Variants in PPP3CA observed in about 807,000 individuals in gnomAD.
PPP3CA encodes CAM-PRP catalytic subunit.
A neutral mutation model predicts 66.5 loss-of-function variants in PPP3CA; 14 were observed. The ratio of observed to expected loss-of-function variants is 0.21; its 90% CI spans 0.14 to 0.33. The LOEUF (loss-of-function observed/expected upper bound fraction) is 0.33, where lower values mean the gene tolerates loss of function less well. Among genes scored for constraint, PPP3CA ranks in the 10% least tolerant of loss-of-function variants. The probability of loss-of-function intolerance (pLI) is 1.00; values close to 1 mark genes in which losing one functional copy is unlikely to be tolerated. For missense variants in PPP3CA, 317 were observed against 639.5 expected, an observed-to-expected ratio of 0.50 and a Z score of 5.44; for synonymous variants, 232 against 226.2, an observed-to-expected ratio of 1.03 and a Z score of -0.23.
rs568199380 is a variant in PPP3CA, at chr4:101,024,653, T to G, written c.*1212A>C. The G allele has an allele frequency of 6.5e-6, 1 of 152,694 alleles. No individual in the cohort carries two copies. The highest frequency in any genetic ancestry group is 2.1e-4 in the South Asian group (1 of 4,826). 9.5% of individuals were successfully genotyped at this position (152,694 alleles called of 1,614,324 possible). A position where few individuals can be genotyped will look rare whatever the true frequency, so the allele number is the denominator to read the frequency against. On this transcript the variant is annotated 3_prime_UTR_variant, in exon 14 of 14. Transcript: ENST00000394854. Reference sequence around the variant, plus strand: ...ATTAACAGTTGCCATGCATTTAGAGTTTCACATGTAACTACAAACTTATTA... The same window carrying G: ...ATTAACAGTTGCCATGCATTTAGAGGTTCACATGTAACTACAAACTTATTA...
chr4:101,162,833 T>C (rs986986032), intron 2 of PPP3CA, among the ~76,000 whole-genome samples: 1 of 152,126 alleles, frequency 6.6e-6, no homozygotes, highest in South Asian at 2.1e-4. Flanking sequence ...ATTTAGAAAA[T>C]GGCCATGCCT....
chr4:101,050,792 G>A (rs558130718), intron 10 of PPP3CA, among the ~76,000 whole-genome samples: 9 of 152,274 alleles, frequency 5.9e-5, no homozygotes, highest in East Asian at 1.9e-4. Context: ...GCTAATGCAC[G>A]TAAAACAGAA....
At chr4:101,202,447 A>T (rs1724996876) in intron 1 of PPP3CA, among the ~76,000 whole-genome samples, 1 of 151,990 alleles carries the variant, frequency 6.6e-6, no homozygotes, top group South Asian at 2.1e-4. Context: ...CTCCTAGATT[A>T]AAAAAAAGTA....
intron 1 of PPP3CA, among the ~76,000 whole-genome samples, chr4:101,198,975 A>G (rs1318851177): frequency 6.6e-6 from 1 of 152,186 alleles, no homozygotes; most frequent in Admixed American, 6.5e-5. Context: ...GGGGCCCTTT[A>G]CCAGTTAAAC....
intron 2 of PPP3CA, among the ~76,000 whole-genome samples, chr4:101,142,553 C>T (rs746664654): frequency 1.3e-5 from 2 of 152,100 alleles, no homozygotes; most frequent in East Asian, 1.9e-4. Context: ...ACCCTCACAA[C>T]CTACTCCACC....
chr4:101,254,084 C>T (rs1294304624), intron 1 of PPP3CA, among the ~76,000 whole-genome samples: 1 of 151,980 alleles, frequency 6.6e-6, no homozygotes, highest in East Asian at 1.9e-4. Flanking sequence ...TCCTTCAAGA[C>T]ATATATCCAA....
intron 1 of PPP3CA, among the ~76,000 whole-genome samples, chr4:101,290,321 C>A (rs759838676): frequency 6.6e-6 from 1 of 152,160 alleles, no homozygotes; most frequent in Non-Finnish European, 1.5e-5. Context: ...TCACCCATTC[C>A]GCTCCTGTTA....
chr4:101,306,040 T>C (rs142460145), intron 1 of PPP3CA, among the ~76,000 whole-genome samples: 96 of 152,110 alleles, frequency 6.3e-4, no homozygotes, highest in Non-Finnish European at 1.2e-3. Flanking sequence ...CCTCCTAAAA[T>C]GGAGAATGTA....
At chr4:101,161,577 T>G (rs899200171) in intron 2 of PPP3CA, among the ~76,000 whole-genome samples, 3 of 152,138 alleles carry the variant, frequency 2.0e-5, no homozygotes, top group African/African-American at 7.2e-5. Flanking sequence ...CTGGCAGTCC[T>G]AAGAATCATT....
At chr4:101,287,940 A>G (rs111271879) in intron 1 of PPP3CA, among the ~76,000 whole-genome samples, 3 of 151,328 alleles carry the variant, frequency 2.0e-5, no homozygotes, top group African/African-American at 4.9e-5. Context: ...CTGCTGCATC[A>G]TACCATTTTT....
At chr4:101,056,461 C>G (rs893758704) in intron 10 of PPP3CA, among the ~76,000 whole-genome samples, 1 of 152,056 alleles carries the variant, frequency 6.6e-6, no homozygotes, top group Non-Finnish European at 1.5e-5. Context: ...AGGCGCATCT[C>G]TAAATTGCTA....
chr4:101,083,587 C>T (rs1399864025), intron 6 of PPP3CA, among the ~76,000 whole-genome samples: 1 of 152,104 alleles, frequency 6.6e-6, no homozygotes, highest in Non-Finnish European at 1.5e-5. Context: ...GTGAACGGAG[C>T]ATAACTATAA....
chr4:101,183,069 G>A (rs1025054048), intron 2 of PPP3CA, among the ~76,000 whole-genome samples: 23 of 152,078 alleles, frequency 1.5e-4, no homozygotes, highest in African/African-American at 5.1e-4. Context: ...TTAGAATGCA[G>A]GTGAAAAAAT....
chr4:101,111,694 T>C (rs1464362381), intron 2 of PPP3CA, among the ~76,000 whole-genome samples: 1 of 152,160 alleles, frequency 6.6e-6, no homozygotes, highest in Non-Finnish European at 1.5e-5. Flanking sequence ...TTGGACAATT[T>C]ACTCAACTTC....
In PPP3CA at chr4:101,234,534, T is replaced by C. The variant is rs557233837; in HGVS notation, c.59-38418A>G. On this transcript the variant is annotated intron_variant, in intron 1 of 13. Transcript: ENST00000394854. ...GCTTGTTGGCTACATGTATGTCTTCTTTAGAAAAGTGTCTGTTCATGTCCT... is the reference window on the plus strand; with the variant it reads ...GCTTGTTGGCTACATGTATGTCTTCCTTAGAAAAGTGTCTGTTCATGTCCT... Among the ~76,000 whole-genome samples, 5 of 152,006 alleles carry C rather than the reference T, an allele frequency of 3.3e-5. No homozygotes were observed. The East Asian group carries it at 7.8e-4, about 24-fold the overall frequency.
At chr4:101,324,206 AAGG>A (rs1729138753) in intron 1 of PPP3CA, among the ~76,000 whole-genome samples, 1 of 141,912 alleles carries the variant, frequency 7.0e-6, no homozygotes, top group Non-Finnish European at 1.5e-5. Context: ...GGAAGGAAGG[AAGG>A]AAGGAAGGAA....
chr4:101,278,136 A>AAAAAT (rs1553937788), intron 1 of PPP3CA, among the ~76,000 whole-genome samples: 7 of 145,912 alleles, frequency 4.8e-5, no homozygotes, highest in Admixed American at 2.0e-4. Flanking sequence ...AAAAAAAAAA[A>AAAAAT]AAATAAAAAA....
At chr4:101,235,839 T>C (rs569036439) in intron 1 of PPP3CA, among the ~76,000 whole-genome samples, 7 of 151,964 alleles carry the variant, frequency 4.6e-5, no homozygotes, top group Admixed American at 1.3e-4. Context: ...TAATATACCC[T>C]TTGCACTGTA....
chr4:101,087,400 A>T (rs1297726478), intron 6 of PPP3CA, among the ~76,000 whole-genome samples: 1 of 152,172 alleles, frequency 6.6e-6, no homozygotes. Flanking sequence ...CAAAGTGAAC[A>T]CCCTTGGAAC....
Sources: allele counts gnomAD v4.1 joint callset (sites outside exome capture counted in the v4.1 genomes callset), GRCh38; gene constraint gnomAD v4.1.1; transcripts MANE v1.5; gene names NCBI Gene and HGNC (gene_info 2026-07-23, HGNC 2026-07-21).